The following KCNIP3 variants were observed in gnomAD, a reference collection of about 807,000 sequenced individuals.
KCNIP3 encodes the protein calsenilin.
Under a neutral mutation model 35.0 loss-of-function variants are expected in KCNIP3, and 28 were observed. The ratio of observed to expected loss-of-function variants is 0.80; its 90% CI spans 0.59 to 1.10. The LOEUF is 1.10. KCNIP3 is among the 50% of genes least tolerant of loss of function. KCNIP3 has a pLI of 0.00. For synonymous variants in KCNIP3, 134 were observed against 133.8 expected (o/e 1.00, Z -0.01); for missense variants, 295 against 338.4 (o/e 0.87, Z 1.01).
chr2:95,313,823 C>G (rs374539219), intron 2 of KCNIP3: 1 of 152,142 alleles, frequency 6.6e-6, no homozygotes, highest in Non-Finnish European at 1.5e-5. Flanking sequence ...CCCCACCTAG[C>G]GCCTTGGGAG....
At chr2:95,358,719 C>T (rs1460263790) in intron 2 of KCNIP3, among the ~76,000 whole-genome samples, 1 of 152,174 alleles carries the variant, frequency 6.6e-6, no homozygotes, top group Non-Finnish European at 1.5e-5. Context: ...CTGAAGGGCA[C>T]AGGGAGCAAG....
chr2:95,306,950 C>A (rs1678192456), intron 1 of KCNIP3, among the ~76,000 whole-genome samples: 1 of 152,216 alleles, frequency 6.6e-6, no homozygotes, highest in African/African-American at 2.4e-5. Flanking sequence ...ATGAGGATGA[C>A]CTCCTCCCGC....
At chr2:95,362,696 A>G (rs1418760142) in intron 2 of KCNIP3, among the ~76,000 whole-genome samples, 3 of 152,072 alleles carry the variant, frequency 2.0e-5, no homozygotes, top group Non-Finnish European at 4.4e-5. Flanking sequence ...GAATGCGAGC[A>G]GTGGGGACCA....
intron 2 of KCNIP3, among the ~76,000 whole-genome samples, chr2:95,372,931 T>C (rs1320391139): frequency 1.3e-5 from 2 of 152,206 alleles, no homozygotes; most frequent in African/African-American, 4.8e-5. Context: ...CAGTGCAGGC[T>C]GTCTTTCCCA....
chr2:95,310,223 T>C (rs180760175), intron 1 of KCNIP3, 132 bp from the exon 2 acceptor site: 50 of 1,058,320 alleles, frequency 4.7e-5, no homozygotes, highest in Admixed American at 9.1e-5. Flanking sequence ...GCACTAGGCA[T>C]GCAGCCCCGG....
chr2:95,339,002 A>C (rs1679128338), intron 2 of KCNIP3, among the ~76,000 whole-genome samples: 1 of 152,218 alleles, frequency 6.6e-6, no homozygotes, highest in Admixed American at 6.5e-5. Context: ...GTACAGGCCG[A>C]TGGGACACAG....
At position 95,384,060 on chromosome 2, in the gene KCNIP3, A is replaced by G; in HGVS notation, c.*11A>G. ...GAGAATGTCATCTAGGACACGTCCA[A>G]AGGAGTGCATGGCCACAGCCACCTC... On this transcript the variant is annotated 3_prime_UTR_variant, in exon 9 of 9. Coordinates refer to ENST00000295225, the MANE Select transcript of KCNIP3 (RefSeq NM_013434.5). 6.2e-7 allele frequency: 1 copy of G among 1,613,536 alleles called. No homozygotes were observed. Among genetic ancestry groups the G allele is most frequent in the African/African-American group, 1.3e-5 (1 of 75,008 alleles).
intron 2 of KCNIP3, among the ~76,000 whole-genome samples, chr2:95,326,180 C>G (rs2104237373): frequency 6.6e-6 from 1 of 151,942 alleles, no homozygotes; most frequent in South Asian, 2.1e-4. Flanking sequence ...CACATATACA[C>G]AGTCATACAC....
intron 2 of KCNIP3, among the ~76,000 whole-genome samples, chr2:95,341,971 TGGA>T (rs1463624479): frequency 1.3e-5 from 2 of 152,036 alleles, no homozygotes; most frequent in Non-Finnish European, 2.9e-5. Context: ...AGACTGATGA[TGGA>T]GGAGATCTAG....
chr2:95,374,911 CAGGG>C lies in KCNIP3; in HGVS notation c.374_376+1del. ...ACTCATTTACGCGCAGTTCTTCCCT[CAGGG>C]AGGTGAGTCTGAGGCAGGGCAGCCC... On this transcript the variant is annotated frameshift_variant and splice_region_variant, in exon 4 of 9. Transcript: ENST00000295225. LOFTEE classifies it high-confidence loss of function. 6.2e-7 allele frequency: 1 copy of C among 1,613,984 alleles called. No homozygotes were observed. The highest frequency in any genetic ancestry group is 1.3e-5 in the African/African-American group (1 of 75,050).
chr2:95,374,850 G>A lies in KCNIP3; in HGVS notation c.309G>A (p.Glu103=), dbSNP rs746078818. 2.5e-6 allele frequency: 4 copies of A among 1,613,698 alleles called. No homozygotes were observed. In the South Asian group the frequency reaches 4.4e-5, roughly 18 times the overall value. The change falls in exon 4 of 9, where the codon GAG becomes GAA. Residue 103 remains glutamate (E), a splice_region_variant and synonymous_variant. Coordinates refer to ENST00000295225, the MANE Select transcript of KCNIP3 (RefSeq NM_013434.5). ...GAGGGGGTGCCTTCCTGCTGCAGGA[G>A]TGTCCCACGGGCCTGGTGGACGAAG... ...LQSLYRGFKN[E]CPTGLVDEDT...
At position 95,377,554 on chromosome 2, in the gene KCNIP3, C is replaced by T. The variant is rs1397518270; in HGVS notation, c.447+2346C>T. On this transcript the variant is annotated intron_variant, in intron 5 of 8. Transcript: ENST00000295225. This position sits in a 1 kb window ranked among gnomAD's most constrained non-coding sequence, Gnocchi z 4.7. ...CCCTGCCTAGCCCCTGCCATGGGGA[C>T]AGCCGTAGAACAGAGGCTGTGGATG... Among the ~76,000 whole-genome samples, 1 of 152,252 alleles carries T rather than the reference C, an allele frequency of 6.6e-6. No individual in the cohort carries two copies. Among genetic ancestry groups the T allele is most frequent in the Non-Finnish European group, 1.5e-5 (1 of 68,042 alleles).
chr2:95,300,153 G>A (rs532511821), intron 1 of KCNIP3, among the ~76,000 whole-genome samples: 211 of 152,320 alleles, frequency 1.4e-3, no homozygotes, highest in African/African-American at 4.2e-3. Context: ...CATCCCAGCC[G>A]TGCGGCCGGT....
chr2:95,365,762 C>T (rs1367467724), intron 2 of KCNIP3, among the ~76,000 whole-genome samples: 1 of 152,128 alleles, frequency 6.6e-6, no homozygotes, highest in African/African-American at 2.4e-5. Context: ...ATATCATCAG[C>T]CTTGACCCAT....
intron 2 of KCNIP3, among the ~76,000 whole-genome samples, chr2:95,316,572 C>T (rs1368974147): frequency 6.6e-6 from 1 of 152,176 alleles, no homozygotes; most frequent in Non-Finnish European, 1.5e-5. Context: ...GGTTGCTTTG[C>T]AGCCCACACA....
intron 1 of KCNIP3, among the ~76,000 whole-genome samples, chr2:95,302,076 G>A (rs1558756372): frequency 6.6e-6 from 1 of 152,114 alleles, no homozygotes; most frequent in African/African-American, 2.4e-5. Context: ...GGGCCTGCAC[G>A]ACACAACGCC....
intron 2 of KCNIP3, among the ~76,000 whole-genome samples, chr2:95,371,430 T>C (rs887901466): frequency 6.6e-6 from 1 of 152,248 alleles, no homozygotes; most frequent in African/African-American, 2.4e-5. Flanking sequence ...CTTAGTACCA[T>C]TGTGGTAAGA....
At chr2:95,339,408 C>T (rs147235623) in intron 2 of KCNIP3, among the ~76,000 whole-genome samples, 220 of 151,864 alleles carry the variant, frequency 1.4e-3, no homozygotes, top group African/African-American at 4.9e-3. Context: ...GGTGAAACCC[C>T]GTCTCTACCA....
intron 1 of KCNIP3, among the ~76,000 whole-genome samples, chr2:95,302,343 C>T (rs1678058801): frequency 6.6e-6 from 1 of 152,260 alleles, no homozygotes; most frequent in South Asian, 2.1e-4. Context: ...GGGACAGACA[C>T]TCTAAACAAA....
Sources: gnomAD v4.1 joint callset for allele counts (sites outside exome capture counted in the v4.1 genomes callset) on GRCh38, gnomAD v4.1.1 for gene constraint, Gnocchi (gnomAD v3.1) non-coding constraint, MANE v1.5 for transcripts, NCBI Gene and HGNC (gene_info 2026-07-23, HGNC 2026-07-21) for gene names.